Variants in REV3L observed in about 807,000 individuals in gnomAD.
The protein encoded by REV3L is REV3 like, DNA directed polymerase zeta catalytic subunit.
In REV3L, 69 loss-of-function variants were observed where a neutral mutation model predicts 299.4. That is an observed-to-expected ratio of 0.23 (90% CI 0.19 to 0.28). The LOEUF is 0.28. Among genes scored for constraint, REV3L ranks in the 10% least tolerant of loss-of-function variants. The pLI is 1.00. For missense variants in REV3L, 3,128 were observed against 3,693.8 expected, an observed-to-expected ratio of 0.85 and a Z score of 3.97; for synonymous variants, 1,238 against 1,271.4, an observed-to-expected ratio of 0.97 and a Z score of 0.56.
chr6:111,314,770 CA>C, intron 27 of REV3L, among the ~76,000 whole-genome samples: 2 of 150,280 alleles, frequency 1.3e-5, no homozygotes, highest in East Asian at 3.9e-4. Context: ...GTTACTGGAA[CA>C]AAGTTTTCAT....
At chr6:111,394,257 A>G (rs1782238748) in intron 4 of REV3L, among the ~76,000 whole-genome samples, 2 of 152,150 alleles carry the variant, frequency 1.3e-5, no homozygotes, top group African/African-American at 4.8e-5. Flanking sequence ...ATTCCCACCA[A>G]CAGTGTATAA....
At chr6:111,412,352 T>G (rs1784334754) in intron 2 of REV3L, 1 of 731,874 alleles carries the variant, frequency 1.4e-6, no homozygotes. Flanking sequence ...AAATCCTCGG[T>G]GCAAGATGAA....
intron 1 of REV3L, chr6:111,430,243 A>G: frequency 1.1e-6 from 1 of 884,930 alleles, no homozygotes; most frequent in Non-Finnish European, 1.9e-6. Flanking sequence ...CCCTTCAAGA[A>G]GCTTTGAATC....
chr6:111,387,915 T>TGCTTAATTAAAACA lies in REV3L; in HGVS notation c.948-16_948-3dup, dbSNP rs2128251592. ...TAGTCCACAGATCCTGATAATGTTC[T>TGCTTAATTAAAACA]GCTTAATTAAAACATATCCTTTATA... On this transcript the variant is annotated splice_polypyrimidine_tract_variant and splice_region_variant and intron_variant, in intron 8 of 31. Transcript: ENST00000368802. 1 of 1,613,798 alleles carries TGCTTAATTAAAACA rather than the reference T, an allele frequency of 6.2e-7. No individual in the cohort carries two copies. Among genetic ancestry groups the TGCTTAATTAAAACA allele is most frequent in the East Asian group, 2.2e-5 (1 of 44,832 alleles).
intron 1 of REV3L, among the ~76,000 whole-genome samples, chr6:111,434,560 A>T (rs1015681034): frequency 1.3e-5 from 2 of 151,738 alleles, no homozygotes; most frequent in African/African-American, 2.4e-5. Flanking sequence ...CGGAGCTTGC[A>T]GTGAGCCAAG....
intron 4 of REV3L, among the ~76,000 whole-genome samples, chr6:111,401,009 G>A (rs1783032462): frequency 6.6e-6 from 1 of 152,100 alleles, no homozygotes; most frequent in African/African-American, 2.4e-5. Context: ...TTTCTCCATT[G>A]AATTACCATT....
intron 16 of REV3L, among the ~76,000 whole-genome samples, chr6:111,362,494 G>C (rs1238173480): frequency 6.6e-6 from 1 of 152,006 alleles, no homozygotes; most frequent in Non-Finnish European, 1.5e-5. Flanking sequence ...AACTAGCATT[G>C]TCCAATAGAA....
Position 111,375,008 on chromosome 6 carries a change from C to G in REV3L, c.3347G>C (p.Arg1116Thr). ...AGAAGAATTTATGGGACTTGTGCTT[C>G]TCTCAGAAAGAAAACCTAGTTTAGA... ...VMSKLGFLSE[R>T]STSPINSSPP... Residue 1116 changes from arginine (R) to threonine (T), a missense_variant, in exon 13 of 32, where the codon AGA becomes ACA. Arg to Thr is a moderately conservative substitution (Grantham distance 71). Transcript: ENST00000368802. 1 of 1,613,316 alleles carries G rather than the reference C, an allele frequency of 6.2e-7. No individual in the cohort carries two copies. Among genetic ancestry groups the G allele is most frequent in the Non-Finnish European group, 8.5e-7 (1 of 1,179,736 alleles).
At chr6:111,435,998 G>T (rs1787506326) in intron 1 of REV3L, among the ~76,000 whole-genome samples, 1 of 152,062 alleles carries the variant, frequency 6.6e-6, no homozygotes, top group Admixed American at 6.6e-5. Flanking sequence ...TAGGCAAAAG[G>T]TCTGAATAGA....
chr6:111,304,121 C>T (rs1246862886), intron 31 of REV3L, among the ~76,000 whole-genome samples: 1 of 149,252 alleles, frequency 6.7e-6, no homozygotes, highest in Non-Finnish European at 1.5e-5. Context: ...ATAATGTTTA[C>T]AATTTCCATA....
Position 111,422,666 on chromosome 6 carries a change from ATATATATATATACG to A in REV3L, c.140-6208_140-6195del, listed in dbSNP as rs1340676023. Among the ~76,000 whole-genome samples the A allele has an allele frequency of 4.3e-4, 18 of 42,288 alleles. 4 individuals carry two copies. The highest frequency in any genetic ancestry group is 4.2e-3 in the Admixed American group (13 of 3,086). The allele number at this position is 42,288 out of a possible 152,430, so 27.7% of individuals were successfully genotyped here. A position where few individuals can be genotyped will look rare whatever the true frequency, so the allele number is the denominator to read the frequency against. On this transcript the variant is annotated intron_variant, in intron 1 of 31. Transcript: ENST00000368802. ...TATATATACATATATATATATACAT[ATATATATATATACG>A]TATATATATATATATATATATTTCC...
At chr6:111,482,171 C>T (rs1793781612) in intron 1 of REV3L, among the ~76,000 whole-genome samples, 1 of 152,176 alleles carries the variant, frequency 6.6e-6, no homozygotes, top group Non-Finnish European at 1.5e-5. Context: ...CAGAGCCACA[C>T]GGTCACCCCA....
At chr6:111,348,496 A>G (rs935598947) in intron 20 of REV3L, among the ~76,000 whole-genome samples, 3 of 152,306 alleles carry the variant, frequency 2.0e-5, no homozygotes, top group African/African-American at 7.2e-5. Flanking sequence ...ATTTAAATAT[A>G]CTTCATTTGA....
intron 1 of REV3L, among the ~76,000 whole-genome samples, chr6:111,434,417 A>G (rs1178317723): frequency 1.3e-5 from 2 of 151,966 alleles, no homozygotes; most frequent in African/African-American, 2.4e-5. Context: ...GATCGAGACC[A>G]TCCTGGCTAA....
intron 26 of REV3L, among the ~76,000 whole-genome samples, chr6:111,317,262 C>A (rs1026568696): frequency 7.2e-5 from 11 of 151,924 alleles, no homozygotes; most frequent in African/African-American, 2.4e-4. Context: ...GCCTGACAGC[C>A]TAATATGAAA....
chr6:111,308,966 G>C (rs898368989), intron 30 of REV3L, among the ~76,000 whole-genome samples: 1 of 152,218 alleles, frequency 6.6e-6, no homozygotes, highest in Admixed American at 6.5e-5. Flanking sequence ...CCCTTGCAGG[G>C]TGTGCGAGAG....
chr6:111,427,759 T>C (rs1165846197), intron 1 of REV3L, among the ~76,000 whole-genome samples: 4 of 152,160 alleles, frequency 2.6e-5, no homozygotes, highest in Non-Finnish European at 4.4e-5. Context: ...ATCCCTGTCC[T>C]AATAACTGGG....
At chr6:111,457,734 C>T (rs1790314120) in intron 1 of REV3L, among the ~76,000 whole-genome samples, 2 of 151,672 alleles carry the variant, frequency 1.3e-5, no homozygotes, top group Non-Finnish European at 2.9e-5. Flanking sequence ...GGCCCATATA[C>T]CTGCAATTGA....
chr6:111,458,083 C>G (rs1449374678), intron 1 of REV3L, among the ~76,000 whole-genome samples: 1 of 151,948 alleles, frequency 6.6e-6, no homozygotes, highest in Non-Finnish European at 1.5e-5. Context: ...CATCTAAAAC[C>G]TAATTCACCA....
Sources: allele counts gnomAD v4.1 joint callset (sites outside exome capture counted in the v4.1 genomes callset), GRCh38; gene constraint gnomAD v4.1.1; transcripts MANE v1.5; gene names NCBI Gene and HGNC (gene_info 2026-07-23, HGNC 2026-07-21).